Variants in NFE2L2 observed in about 807,000 individuals in gnomAD.
NFE2L2 encodes NFE2 like bZIP transcription factor 2, also known as nuclear factor erythroid 2-related factor 2.
NFE2L2 carries 20 observed loss-of-function variants against 49.6 expected under a neutral mutation model. The ratio of observed to expected loss-of-function variants is 0.40; its 90% confidence interval spans 0.28 to 0.59. The LOEUF is 0.59. Ranked by LOEUF, NFE2L2 falls within the 20% of genes least tolerant of loss-of-function variation. The pLI, the probability that NFE2L2 is intolerant of heterozygous loss-of-function variation, is 0.40. For synonymous variants in NFE2L2, 244 were observed against 256.5 expected (o/e 0.95, Z 0.47); for missense variants, 578 against 714.2 (o/e 0.81, Z 2.17).
At chr2:177,249,227 T>TAAAC (rs879897408) in intron 1 of NFE2L2, among the ~76,000 whole-genome samples, 23 of 135,164 alleles carry the variant, frequency 1.7e-4, no homozygotes, top group Non-Finnish European at 3.8e-4. Context: ...CATAAATAAA[T>TAAAC]AAATAAATAA....
At position 177,234,281 on chromosome 2, in the gene NFE2L2, A is replaced by G. The variant is rs1689665981; in HGVS notation, c.46-10T>C. 3.1e-6 allele frequency: 5 copies of G among 1,590,710 alleles called. No homozygotes were observed. In the Admixed American group the frequency reaches 7.2e-5, roughly 23 times the overall value. On this transcript the variant is annotated splice_polypyrimidine_tract_variant and intron_variant, in intron 1 of 4. Coordinates refer to ENST00000397062, the MANE Select transcript of NFE2L2 (RefSeq NM_006164.5). ...CAATCAAATCCATGTCCTATGTTTA[A>G]GACAAAAAAAGGAAGGAGAGAGCTC...
chr2:177,246,244 C>T (rs1690125081), intron 1 of NFE2L2, among the ~76,000 whole-genome samples: 1 of 152,192 alleles, frequency 6.6e-6, no homozygotes, highest in Non-Finnish European at 1.5e-5. Context: ...GGACAACTCC[C>T]TTGCATAGGG....
At chr2:177,254,237 G>C (rs924590544) in intron 1 of NFE2L2, among the ~76,000 whole-genome samples, 1 of 152,124 alleles carries the variant, frequency 6.6e-6, no homozygotes. Flanking sequence ...TGTGTGAAGG[G>C]ATCTGGACAA....
At position 177,232,599 on chromosome 2, in the gene NFE2L2, C is replaced by G. The variant is rs767537812; in HGVS notation, c.403-16G>C. On this transcript the variant is annotated splice_polypyrimidine_tract_variant and intron_variant, in intron 3 of 4. Coordinates refer to ENST00000397062, the MANE Select transcript of NFE2L2 (RefSeq NM_006164.5). ...CCGAAGAAACCTAAAATTGATAAGGCATTGATTTATGAGTCTTCCACCAAC... is the reference window on the plus strand; with the variant it reads ...CCGAAGAAACCTAAAATTGATAAGGGATTGATTTATGAGTCTTCCACCAAC... The G allele has an allele frequency of 1.2e-6, 2 of 1,611,992 alleles. No individual in the cohort carries two copies. Among genetic ancestry groups the G allele is most frequent in the Non-Finnish European group, 1.7e-6 (2 of 1,178,496 alleles).
rs560624175 is a variant in NFE2L2 at position 177,251,718 on chromosome 2, G to A, written c.45+12814C>T. ...TGAGTGTTTACACTGGAACTCGAGGGATTTTTGCCAGGCGTGGTGGCTCAT... is the reference window on the plus strand; with the variant it reads ...TGAGTGTTTACACTGGAACTCGAGGAATTTTTGCCAGGCGTGGTGGCTCAT... On this transcript the variant is annotated intron_variant, in intron 1 of 4. Coordinates refer to ENST00000397062, the MANE Select transcript of NFE2L2 (RefSeq NM_006164.5). 2.4e-3 allele frequency among the ~76,000 whole-genome samples: 360 copies of A among 152,230 alleles called. 1 individual carries two copies. Among genetic ancestry groups the A allele is most frequent in the Admixed American group, 5.0e-3 (77 of 15,292 alleles).
chr2:177,251,719 A>AT (rs1690345484), intron 1 of NFE2L2, among the ~76,000 whole-genome samples: 1 of 152,120 alleles, frequency 6.6e-6, no homozygotes, highest in South Asian at 2.1e-4. Context: ...AACTCGAGGG[A>AT]TTTTTGCCAG....
chr2:177,264,460 C>G lies in NFE2L2; in HGVS notation c.45+72G>C, dbSNP rs1690864344. The G allele has an allele frequency of 3.4e-6, 5 of 1,465,374 alleles. No homozygotes were observed. In the Admixed American group the frequency reaches 8.5e-5, roughly 25 times the overall value. The allele number at this position is 1,465,374 out of a possible 1,614,324, so 90.8% of individuals were successfully genotyped here. A position where few individuals can be genotyped will look rare whatever the true frequency, so the allele number is the denominator to read the frequency against. ...GGAAGCCGGTTGCGGCTGTCCCTCC[C>G]GGGCCGCGGTTCCCTAGCTCCCCCG... is the stretch of plus-strand genomic sequence containing the variant. On this transcript the variant is annotated intron_variant, in intron 1 of 4. Coordinates refer to ENST00000397062, the MANE Select transcript of NFE2L2 (RefSeq NM_006164.5).
chr2:177,239,693 A>G (rs1689877542), intron 1 of NFE2L2, among the ~76,000 whole-genome samples: 1 of 152,130 alleles, frequency 6.6e-6, no homozygotes, highest in Non-Finnish European at 1.5e-5. Flanking sequence ...AAGTTTATGT[A>G]ATGTTTTTTC....
chr2:177,234,799 G>A (rs1282401809), intron 1 of NFE2L2, among the ~76,000 whole-genome samples: 1 of 152,080 alleles, frequency 6.6e-6, no homozygotes, highest in Non-Finnish European at 1.5e-5. Flanking sequence ...TCCTACACTA[G>A]ATTATCTTCT....
At chr2:177,233,164 T>C in intron 3 of NFE2L2, 86 bp downstream of exon 3, 3 of 1,103,200 alleles carry the variant, frequency 2.7e-6, no homozygotes, top group Non-Finnish European at 3.9e-6. Context: ...TAAATGGAGA[T>C]TCATTGACGG....
chr2:177,261,271 T>C (rs1001485042), intron 1 of NFE2L2, among the ~76,000 whole-genome samples: 16 of 152,082 alleles, frequency 1.1e-4, no homozygotes, highest in African/African-American at 3.4e-4. Flanking sequence ...GTGGGTACCA[T>C]TGATGGATTG....
At chr2:177,241,339 T>C (rs1689931302) in intron 1 of NFE2L2, among the ~76,000 whole-genome samples, 1 of 152,240 alleles carries the variant, frequency 6.6e-6, no homozygotes. Context: ...TGATTATATT[T>C]TTCTTTCTTT....
intron 1 of NFE2L2, among the ~76,000 whole-genome samples, chr2:177,247,616 G>A (rs191798810): frequency 3.1e-4 from 45 of 145,448 alleles, no homozygotes; most frequent in Non-Finnish European, 3.3e-4. Context: ...ACCCAAGATC[G>A]CTCCAAGCCG....
Position 177,233,236 on chromosome 2 carries a change from AT to A in NFE2L2, c.402+13del. The A allele has an allele frequency of 6.4e-7, 1 of 1,574,164 alleles. No individual in the cohort carries two copies. Among genetic ancestry groups the A allele is most frequent in the Non-Finnish European group, 8.6e-7 (1 of 1,165,852 alleles). On this transcript the variant is annotated intron_variant, in intron 3 of 4. Transcript: ENST00000397062. ...ATGGAGTTTTTCTATTAACCAGGTTATTTTATACCTCACCTCATTGTCATCT... is the reference window on the plus strand; with the variant it reads ...ATGGAGTTTTTCTATTAACCAGGTTATTTATACCTCACCTCATTGTCATCT...
At chr2:177,263,937 T>C (rs1439911259) in intron 1 of NFE2L2, 1 of 985,378 alleles carries the variant, frequency 1.0e-6, no homozygotes, top group Non-Finnish European at 1.2e-6. Flanking sequence ...GATGGATGAC[T>C]TCGCAAAGCC....
rs774940995 is a variant in NFE2L2 at position 177,231,711 on chromosome 2, T to C, written c.892A>G (p.Ser298Gly). 5.6e-6 allele frequency: 9 copies of C among 1,614,220 alleles called. No individual in the cohort carries two copies. Among genetic ancestry groups the C allele is most frequent in the Admixed American group, 1.7e-5 (1 of 60,020 alleles). Residue 298 changes from serine (S) to glycine (G), a missense_variant, in exon 5 of 5, where the codon AGC becomes GGC. Ser to Gly is a moderately conservative substitution (Grantham distance 56). Transcript: ENST00000397062. ...CTTAAAGTAGCAGGTGAGGGCATGCTGTTGCTGATACTGGGCTCAGCTATG... is the reference window on the plus strand; with the variant it reads ...CTTAAAGTAGCAGGTGAGGGCATGCCGTTGCTGATACTGGGCTCAGCTATG... The part of the protein sequence containing the change: ...AFIAEPSISN[S>G]MPSPATLSHS...
At chr2:177,264,432 G>A (rs1172588425) in intron 1 of NFE2L2, 100 bp downstream of exon 1, 6 of 1,275,606 alleles carry the variant, frequency 4.7e-6, no homozygotes, top group African/African-American at 1.6e-5. Context: ...GGCCAGACGT[G>A]GGGGAAGCCG....
chr2:177,233,726 C>G lies in NFE2L2; in HGVS notation c.312+279G>C, dbSNP rs7604429. The G allele has an allele frequency of 5.5e-4, 298 of 539,944 alleles. 1 individual carries two copies. Among genetic ancestry groups the G allele is most frequent in the African/African-American group, 3.1e-3 (164 of 52,856 alleles). The allele number at this position is 539,944 out of a possible 1,614,324, so 33.4% of individuals were successfully genotyped here. A position where few individuals can be genotyped will look rare whatever the true frequency, so the allele number is the denominator to read the frequency against. On this transcript the variant is annotated intron_variant, in intron 2 of 4. Transcript: ENST00000397062. ...GGTTCTCCTGCTACTACTTCTGTTGCTGCTACTTGATCCTTACAGGATGTT... is the reference window on the plus strand; with the variant it reads ...GGTTCTCCTGCTACTACTTCTGTTGGTGCTACTTGATCCTTACAGGATGTT...
chr2:177,264,363 TC>T, intron 1 of NFE2L2, 168 bp downstream of exon 1: 1 of 558,914 alleles, frequency 1.8e-6, no homozygotes, highest in Non-Finnish European at 2.9e-6. Context: ...CCGCTGCCCC[TC>T]CCCGCCCTGC....
Sources: allele counts gnomAD v4.1 joint callset (sites outside exome capture counted in the v4.1 genomes callset), GRCh38; gene constraint gnomAD v4.1.1; transcripts MANE v1.5; gene names NCBI Gene and HGNC (gene_info 2026-07-23, HGNC 2026-07-21).